The following PDE10A variants were observed in gnomAD, a reference collection of about 807,000 sequenced individuals.
The protein encoded by PDE10A is cAMP and cAMP-inhibited cGMP 3',5'-cyclic phosphodiesterase 10A.
Under a neutral mutation model 97.7 loss-of-function variants are expected in PDE10A, and 39 were observed. That is an observed-to-expected ratio of 0.40 (90% confidence interval 0.31 to 0.52). The LOEUF (loss-of-function observed/expected upper bound fraction) is 0.52, where lower values mean the gene tolerates loss of function less well. Among genes scored for constraint, PDE10A ranks in the 20% least tolerant of loss-of-function variants. PDE10A has a pLI of 0.56. For missense variants in PDE10A, 731 were observed against 1,047.8 expected, an observed-to-expected ratio of 0.70 and a Z score of 4.17; for synonymous variants, 371 against 376.8, an observed-to-expected ratio of 0.98 and a Z score of 0.18.
At chr6:165,659,814 AC>A (rs1790145888) in intron 1 of PDE10A, among the ~76,000 whole-genome samples, 2 of 152,138 alleles carry the variant, frequency 1.3e-5, no homozygotes, top group Non-Finnish European at 2.9e-5. Context: ...AGAGCCTGCT[AC>A]GAATCCCGAG....
chr6:165,697,791 G>A (rs971561056), intron 1 of PDE10A, among the ~76,000 whole-genome samples: 2 of 152,248 alleles, frequency 1.3e-5, no homozygotes, highest in African/African-American at 4.8e-5. Flanking sequence ...GATGGTGATG[G>A]TTGCACAAAA....
Position 165,542,612 on chromosome 6 carries a change from C to CTTTTTTTT in PDE10A, c.994+820_994+827dup, listed in dbSNP as rs545149187. ...TTTAGGTCAAAAAGATGTCCTTGTT[C>CTTTTTTTT]TTTTTTTTTTTTTTTTTTTTTTTTT... On this transcript the variant is annotated intron_variant, in intron 2 of 21. Transcript: ENST00000539869. 1.2e-3 allele frequency among the ~76,000 whole-genome samples: 94 copies of CTTTTTTTT among 76,448 alleles called. 6 individuals are homozygous for CTTTTTTTT. Among genetic ancestry groups the CTTTTTTTT allele is most frequent in the African/African-American group, 3.2e-3 (70 of 21,794 alleles). 50.2% of individuals were successfully genotyped at this position (76,448 alleles called of 152,430 possible). A position where few individuals can be genotyped will look rare whatever the true frequency, so the allele number is the denominator to read the frequency against.
At chr6:165,582,498 A>G (rs1785671180) in intron 1 of PDE10A, among the ~76,000 whole-genome samples, 1 of 152,166 alleles carries the variant, frequency 6.6e-6, no homozygotes, top group Non-Finnish European at 1.5e-5. Flanking sequence ...TCAAGTCTAA[A>G]TAAAATAAAT....
At chr6:165,406,697 G>GT (rs994320387) in intron 13 of PDE10A, among the ~76,000 whole-genome samples, 1 of 152,078 alleles carries the variant, frequency 6.6e-6, no homozygotes, top group African/African-American at 2.4e-5. Flanking sequence ...TTCAGTGAGG[G>GT]TATTTCTGGG....
chr6:165,390,477 A>G (rs1230347229), intron 16 of PDE10A, among the ~76,000 whole-genome samples: 1 of 152,224 alleles, frequency 6.6e-6, no homozygotes, highest in Non-Finnish European at 1.5e-5. Flanking sequence ...AGATCGGAGC[A>G]TATTCTAAGA....
intron 1 of PDE10A, among the ~76,000 whole-genome samples, chr6:165,979,204 G>C (rs1478174571): frequency 1.3e-5 from 2 of 152,182 alleles, no homozygotes; most frequent in Admixed American, 6.5e-5. Context: ...AGCTGGAGCT[G>C]GGTAAGGGTT....
intron 2 of PDE10A, among the ~76,000 whole-genome samples, chr6:165,507,157 C>G (rs186222923): frequency 3.5e-4 from 53 of 152,186 alleles, no homozygotes; most frequent in African/African-American, 1.2e-3. Context: ...TGTCCTATAT[C>G]TCAACATGTT....
intron 1 of PDE10A, among the ~76,000 whole-genome samples, chr6:165,596,684 T>G (rs1786615977): frequency 6.6e-6 from 1 of 152,064 alleles, no homozygotes; most frequent in Non-Finnish European, 1.5e-5. Flanking sequence ...TAGCCATGAT[T>G]GTACCACTGC....
rs1049702522 is a variant in PDE10A, at chr6:165,549,133, A to G, written c.866-5565T>C. Among the ~76,000 whole-genome samples the G allele has an allele frequency of 3.5e-4, 53 of 152,280 alleles. 1 individual carries two copies. The highest frequency in any genetic ancestry group is 1.2e-3 in the African/African-American group (50 of 41,576). On this transcript the variant is annotated intron_variant, in intron 1 of 21. Transcript: ENST00000539869. ...GTTCCTTTTGTTCATTTTCTGCCCC[A>G]GACATAGAGTCGTACTCTTTTTCTC...
rs112907454 is a variant in PDE10A at position 165,472,321 on chromosome 6, T to C, written c.1023+9994A>G. On this transcript the variant is annotated intron_variant, in intron 3 of 21. Transcript: ENST00000539869. Reference sequence around the variant, plus strand: ...TTATTAATAATCTCCCTGGTGTCCATATTAATATTCCCTTTCTCATTCCTA... The same window carrying C: ...TTATTAATAATCTCCCTGGTGTCCACATTAATATTCCCTTTCTCATTCCTA... Among the ~76,000 whole-genome samples the C allele has an allele frequency of 1.8e-3, 268 of 152,240 alleles. 1 individual carries two copies. Among genetic ancestry groups the C allele is most frequent in the African/African-American group, 6.0e-3 (251 of 41,578 alleles).
Position 165,770,373 on chromosome 6 carries a change from G to A in PDE10A, c.-615+217156C>T, listed in dbSNP as rs181975205. ...AAAGAGAAATCAGATAAGCAGAAAG[G>A]TGTTAAATGGAAACTAAAAATCTCC... On this transcript the variant is annotated intron_variant, in intron 1 of 19. Transcript: ENST00000366882. Among the ~76,000 whole-genome samples the A allele has an allele frequency of 1.4e-4, 21 of 152,248 alleles. No homozygotes were observed. The East Asian group carries it at 4.1e-3, about 29-fold the overall frequency.
intron 2 of PDE10A, among the ~76,000 whole-genome samples, chr6:165,505,040 G>A (rs1423807179): frequency 6.6e-6 from 1 of 152,170 alleles, no homozygotes; most frequent in Non-Finnish European, 1.5e-5. Context: ...AACTTCAGCA[G>A]TCACAGCCAA....
rs531843483 is a variant in PDE10A at position 165,567,923 on chromosome 6, T to C, written c.866-24355A>G. ...AGATTCTTATTTCTTTGGAAGCCAA[T>C]AGTCTCTACTTACCTTTGTAACATC... On this transcript the variant is annotated intron_variant, in intron 1 of 21. Coordinates refer to ENST00000539869, the MANE Select transcript of PDE10A (RefSeq NM_001385079.1). Among the ~76,000 whole-genome samples, 34 of 152,018 alleles carry C rather than the reference T, an allele frequency of 2.2e-4. No homozygotes were observed. In the South Asian group the frequency reaches 7.1e-3, roughly 32 times the overall value.
At chr6:165,477,940 A>T (rs1339865366) in intron 3 of PDE10A, among the ~76,000 whole-genome samples, 1 of 152,088 alleles carries the variant, frequency 6.6e-6, no homozygotes, top group African/African-American at 2.4e-5. Context: ...TCCACCACTC[A>T]ACAAGTGGAG....
chr6:165,584,898 T>C (rs1342658359), intron 1 of PDE10A, among the ~76,000 whole-genome samples: 3 of 152,174 alleles, frequency 2.0e-5, no homozygotes, highest in African/African-American at 7.2e-5. Context: ...GAATGAGTAA[T>C]GGAAGAAAGT....
intron 1 of PDE10A, among the ~76,000 whole-genome samples, chr6:165,548,222 A>C (rs7745363): frequency 0.17 from 25,287 of 151,058 alleles, 2,455 homozygotes; most frequent in African/African-American, 0.25. Flanking sequence ...ACTATCACAA[A>C]TAAAGAGAAA....
chr6:165,570,393 T>C (rs1432063049), intron 1 of PDE10A, among the ~76,000 whole-genome samples: 4 of 152,188 alleles, frequency 2.6e-5, no homozygotes, highest in Non-Finnish European at 4.4e-5. Context: ...GAAACAATTA[T>C]AATAAATGGA....
chr6:165,350,927 T>G (rs1782650291), intron 18 of PDE10A, among the ~76,000 whole-genome samples: 2 of 152,206 alleles, frequency 1.3e-5, no homozygotes, highest in South Asian at 4.1e-4. Context: ...GTGAGTAAAT[T>G]AAACCTCTTT....
intron 1 of PDE10A, among the ~76,000 whole-genome samples, chr6:165,557,943 G>T (rs1254426223): frequency 1.3e-5 from 2 of 152,174 alleles, no homozygotes; most frequent in African/African-American, 2.4e-5. Context: ...TAAGTGTTGA[G>T]ATTCTTTTTA....
Sources: allele counts gnomAD v4.1 joint callset (sites outside exome capture counted in the v4.1 genomes callset), GRCh38; gene constraint gnomAD v4.1.1; transcripts MANE v1.5; gene names NCBI Gene and HGNC (gene_info 2026-07-23, HGNC 2026-07-21).